LINGO1: variants seen among roughly 807,000 people sequenced by gnomAD.
LINGO1 encodes leucine rich repeat and Ig domain containing 1.
Under a neutral mutation model 37.3 loss-of-function variants are expected in LINGO1, and 11 were observed. That is an observed-to-expected ratio of 0.29 (90% CI 0.19 to 0.49). LINGO1 has a LOEUF of 0.49. Ranked by LOEUF, LINGO1 falls within the 20% of genes least tolerant of loss-of-function variation. The pLI is 0.99. For missense variants in LINGO1, 585 were observed against 878.2 expected (o/e 0.67, Z 4.22); for synonymous variants, 387 against 403.0 (o/e 0.96, Z 0.48).
At chr15:77,724,193 C>A (rs192936126) in intron 2 of LINGO1, among the ~76,000 whole-genome samples, 1 of 152,326 alleles carries the variant, frequency 6.6e-6, no homozygotes, top group East Asian at 1.9e-4. Flanking sequence ...CCTCCAGGTA[C>A]CCCCATCCCA....
intron 3 of LINGO1, among the ~76,000 whole-genome samples, chr15:77,664,174 C>CGCGCGCGCGCAT (rs1555527601): frequency 3.0e-5 from 3 of 100,380 alleles, no homozygotes; most frequent in African/African-American, 1.1e-4. Flanking sequence ...TGTGTGTGCG[C>CGCGCGCGCGCAT]GCGCGCATGC....
upstream of LINGO1, among the ~76,000 whole-genome samples, chr15:77,634,565 A>G (rs2141089617): frequency 6.6e-6 from 1 of 152,296 alleles, no homozygotes; most frequent in East Asian, 1.9e-4. Context: ...ACAGCCAGCA[A>G]GCCACGGAAA....
intron 3 of LINGO1, among the ~76,000 whole-genome samples, chr15:77,675,427 C>T (rs988923779): frequency 2.2e-4 from 34 of 152,188 alleles, no homozygotes; most frequent in African/African-American, 8.0e-4. Flanking sequence ...TGTAGACCAT[C>T]ATACAAGGGA....
chr15:77,761,750 C>T (rs28702419), intron 1 of LINGO1, among the ~76,000 whole-genome samples: 30,807 of 152,178 alleles, frequency 0.2, 3,287 homozygotes, highest in Admixed American at 0.32. Flanking sequence ...GTGGAGTCCC[C>T]TCACTAGGTG....
chr15:77,749,534 G>T (rs1245280516), intron 1 of LINGO1, among the ~76,000 whole-genome samples: 1 of 152,226 alleles, frequency 6.6e-6, no homozygotes, highest in Non-Finnish European at 1.5e-5. Context: ...CAGCAGAGTG[G>T]GTCTGGGTCT....
intron 2 of LINGO1, among the ~76,000 whole-genome samples, chr15:77,687,720 T>G (rs900872549): frequency 2.0e-5 from 3 of 152,238 alleles, no homozygotes; most frequent in Non-Finnish European, 4.4e-5. Flanking sequence ...CCCATTCTAT[T>G]TGCCCAGGTG....
chr15:77,725,472 G>C (rs12912165), intron 2 of LINGO1, among the ~76,000 whole-genome samples: 17,488 of 152,130 alleles, frequency 0.11, 1,228 homozygotes, highest in African/African-American at 0.2. Context: ...CTGAGGTAGG[G>C]GGATCACTCG....
At chr15:77,696,295 A>G in intron 1 of LINGO1, 1 of 152,390 alleles carries the variant, frequency 6.6e-6, no homozygotes, top group Non-Finnish European at 1.5e-5. Flanking sequence ...CACAGCCAGC[A>G]GCTGCTTTGA....
At chr15:77,791,347 C>T (rs760028519), upstream of LINGO1, among the ~76,000 whole-genome samples, 4 of 151,528 alleles carry the variant, frequency 2.6e-5, no homozygotes, top group Non-Finnish European at 5.9e-5. Flanking sequence ...GGGGAACAGG[C>T]GAAAGGCACA....
intron 2 of LINGO1, among the ~76,000 whole-genome samples, chr15:77,705,847 C>T (rs1251890937): frequency 1.3e-5 from 2 of 152,156 alleles, no homozygotes; most frequent in African/African-American, 4.8e-5. Context: ...GTGAAGACCA[C>T]CACGGTCACA....
In LINGO1 at chr15:77,775,545, G is replaced by C. The variant is rs74025777; in HGVS notation, c.-257+11324C>G. On this transcript the variant is annotated intron_variant, in intron 1 of 3. Transcript: ENST00000561686. ...TCTGAAATGAGAAGACTTAAGGAAA[G>C]CCTCGGCCCCAGCAGCTCTGGTAGT... Among the ~76,000 whole-genome samples the C allele has an allele frequency of 6.7e-3, 1,020 of 152,248 alleles. 19 individuals are homozygous for C. The highest frequency in any genetic ancestry group is 0.023 in the African/African-American group (961 of 41,506).
At chr15:77,616,661 C>G (rs1406962351) in intron 1 of LINGO1, among the ~76,000 whole-genome samples, 1 of 152,194 alleles carries the variant, frequency 6.6e-6, no homozygotes, top group African/African-American at 2.4e-5. Context: ...GCCTGGACTC[C>G]TGGTGGGATC....
intron 2 of LINGO1, among the ~76,000 whole-genome samples, chr15:77,681,396 T>G (rs1033416131): frequency 6.6e-6 from 1 of 151,670 alleles, no homozygotes; most frequent in Admixed American, 6.6e-5. Flanking sequence ...TACAGTGGAG[T>G]TGGCTGGGCT....
intron 3 of LINGO1, among the ~76,000 whole-genome samples, chr15:77,676,052 G>C (rs2075322043): frequency 6.6e-6 from 1 of 152,236 alleles, no homozygotes; most frequent in South Asian, 2.1e-4. Flanking sequence ...CGCTGTCAGA[G>C]AGCCAGAGGG....
At chr15:77,622,682 G>A (rs891045479) in intron 1 of LINGO1, among the ~76,000 whole-genome samples, 11 of 152,220 alleles carry the variant, frequency 7.2e-5, no homozygotes, top group African/African-American at 2.7e-4. Context: ...TGCCTGCTCA[G>A]AGATAACTGG....
At chr15:77,794,049 C>T (rs2076838355) in intron 2 of LINGO1, among the ~76,000 whole-genome samples, 1 of 152,186 alleles carries the variant, frequency 6.6e-6, no homozygotes, top group Non-Finnish European at 1.5e-5. Context: ...TCCCCGCCCA[C>T]TGAGCTCCCA....
rs940618914 is a variant in LINGO1 at position 77,803,652 on chromosome 15, T to C, written c.-457-7599A>G. Among the ~76,000 whole-genome samples, 3 of 152,072 alleles carry C rather than the reference T, an allele frequency of 2.0e-5. 1 individual carries two copies. The highest frequency in any genetic ancestry group is 1.3e-4 in the Admixed American group (2 of 15,274). ...TGACTTGGTGCTGTCCTCGTGATAG[T>C]TGAGTTCTCAACAGATCTGAGATCT... On this transcript the variant is annotated intron_variant, in intron 1 of 5. Transcript: ENST00000562933.
At chr15:77,621,058 CT>C (rs72415268) in intron 1 of LINGO1, among the ~76,000 whole-genome samples, 6 of 148,390 alleles carry the variant, frequency 4.0e-5, no homozygotes, top group African/African-American at 7.5e-5. Flanking sequence ...GGTTTGGGGC[CT>C]TTTTTTTTTC....
intron 3 of LINGO1, among the ~76,000 whole-genome samples, chr15:77,670,299 T>C (rs766373239): frequency 1.3e-5 from 2 of 152,252 alleles, no homozygotes; most frequent in African/African-American, 2.4e-5. Context: ...ATTGGGAATA[T>C]GCTAAAAATC....
Sources: gnomAD v4.1 joint callset for allele counts (sites outside exome capture counted in the v4.1 genomes callset) on GRCh38, gnomAD v4.1.1 for gene constraint, MANE v1.5 for transcripts, NCBI Gene and HGNC (gene_info 2026-07-23, HGNC 2026-07-21) for gene names.